Variants in PRKAR1B observed in about 807,000 individuals in gnomAD.
The protein encoded by PRKAR1B is protein kinase cAMP-dependent type I regulatory subunit beta.
PRKAR1B carries 22 observed loss-of-function variants against 46.5 expected under a neutral mutation model. That is an observed-to-expected ratio of 0.47 (90% CI 0.34 to 0.68). The LOEUF is 0.68. PRKAR1B is among the 30% of genes least tolerant of loss of function. The probability of loss-of-function intolerance (pLI) is 0.01; values close to 1 mark genes in which losing one functional copy is unlikely to be tolerated. For missense variants in PRKAR1B, 445 were observed against 535.6 expected, an observed-to-expected ratio of 0.83 and a Z score of 1.67; for synonymous variants, 259 against 217.7, an observed-to-expected ratio of 1.19 and a Z score of -1.67.
At chr7:708,495 T>G (rs144799868) in intron 2 of PRKAR1B, among the ~76,000 whole-genome samples, 59 of 152,242 alleles carry the variant, frequency 3.9e-4, no homozygotes, top group African/African-American at 1.4e-3. Context: ...TTTAAAAAAT[T>G]TATTTATTTT....
intron 2 of PRKAR1B, among the ~76,000 whole-genome samples, chr7:681,555 T>A (rs1019445850): frequency 6.6e-6 from 1 of 152,218 alleles, no homozygotes; most frequent in Non-Finnish European, 1.5e-5. Flanking sequence ...GTGGGGTTTA[T>A]GGAGGCTGAG....
intron 1 of PRKAR1B, among the ~76,000 whole-genome samples, chr7:717,155 G>C (rs941629774): frequency 6.6e-6 from 1 of 151,970 alleles, no homozygotes; most frequent in African/African-American, 2.4e-5. Context: ...GCCAGGTGTG[G>C]TGCCGTGCCT....
intron 4 of PRKAR1B, among the ~76,000 whole-genome samples, chr7:650,637 G>A (rs929086101): frequency 1.3e-5 from 2 of 152,240 alleles, no homozygotes; most frequent in Non-Finnish European, 2.9e-5. Context: ...GCGCAATGGC[G>A]GTGGGTGGGG....
intron 2 of PRKAR1B, among the ~76,000 whole-genome samples, chr7:703,385 G>T (rs758390853): frequency 6.6e-6 from 1 of 152,186 alleles, no homozygotes; most frequent in Non-Finnish European, 1.5e-5. Flanking sequence ...AGTGGCTCAT[G>T]CCTGTAATCC....
chr7:582,693 C>T (rs1780257628), intron 8 of PRKAR1B, among the ~76,000 whole-genome samples: 1 of 152,226 alleles, frequency 6.6e-6, no homozygotes, highest in Admixed American at 6.5e-5. Context: ...CCCTTCATGG[C>T]CTGCAGCAAC....
intron 7 of PRKAR1B, 58 bp from the exon 8 acceptor site, chr7:584,626 C>T: frequency 2.1e-6 from 3 of 1,436,050 alleles, no homozygotes; most frequent in Non-Finnish European, 2.9e-6. Flanking sequence ...CTGGATCATC[C>T]TGACGTTTCC....
At chr7:719,965 T>C (rs1421521892) in intron 1 of PRKAR1B, among the ~76,000 whole-genome samples, 1 of 152,054 alleles carries the variant, frequency 6.6e-6, no homozygotes, top group African/African-American at 2.4e-5. Flanking sequence ...AACTGTCTAA[T>C]CTCCATGTGT....
intron 8 of PRKAR1B, among the ~76,000 whole-genome samples, chr7:583,442 C>T (rs1310841601): frequency 6.9e-6 from 1 of 145,566 alleles, no homozygotes; most frequent in Non-Finnish European, 1.5e-5. Flanking sequence ...ACCCACAGTG[C>T]ACACTCACAC....
At chr7:626,980 T>C (rs1783440273) in intron 4 of PRKAR1B, among the ~76,000 whole-genome samples, 2 of 152,208 alleles carry the variant, frequency 1.3e-5, no homozygotes, top group Admixed American at 1.3e-4. Context: ...GTTCAAGCGA[T>C]TCTCTTGCCT....
chr7:574,234 A>G (rs868071537), intron 9 of PRKAR1B, among the ~76,000 whole-genome samples: 1 of 152,374 alleles, frequency 6.6e-6, no homozygotes, highest in South Asian at 2.1e-4. Context: ...TTTCAAGACC[A>G]TTAAAGCCGA....
intron 4 of PRKAR1B, among the ~76,000 whole-genome samples, chr7:632,046 C>T (rs1312422535): frequency 2.6e-5 from 4 of 152,114 alleles, no homozygotes; most frequent in Non-Finnish European, 5.9e-5. Flanking sequence ...GCAACTGGCA[C>T]AGCTGTGTGT....
intron 4 of PRKAR1B, among the ~76,000 whole-genome samples, chr7:669,514 A>G (rs961333909): frequency 1.3e-5 from 2 of 152,146 alleles, no homozygotes; most frequent in African/African-American, 4.8e-5. Flanking sequence ...CTGTAATCCC[A>G]GCACTTTGGG....
At chr7:685,385 C>CAT (rs10586228) in intron 2 of PRKAR1B, among the ~76,000 whole-genome samples, 17,427 of 79,114 alleles carry the variant, frequency 0.22, 3,988 homozygotes, top group Middle Eastern at 0.29. Context: ...TATATACATA[C>CAT]ATATATATAT....
chr7:611,515 A>C (rs1782491585), intron 4 of PRKAR1B, among the ~76,000 whole-genome samples: 1 of 152,122 alleles, frequency 6.6e-6, no homozygotes, highest in South Asian at 2.1e-4. Context: ...GCCCCCGCCC[A>C]CACCACTCCC....
intron 2 of PRKAR1B, among the ~76,000 whole-genome samples, chr7:706,364 G>A (rs897302202): frequency 7.9e-5 from 7 of 88,322 alleles, no homozygotes; most frequent in East Asian, 6.7e-4. Flanking sequence ...GATAATCTTC[G>A]GAAAGATCAC....
At chr7:556,059 T>C (rs1241411759) in intron 9 of PRKAR1B, among the ~76,000 whole-genome samples, 1 of 151,646 alleles carries the variant, frequency 6.6e-6, no homozygotes, top group Non-Finnish European at 1.5e-5. Context: ...GCCCCGGGAG[T>C]GGCCAGCACG....
intron 4 of PRKAR1B, among the ~76,000 whole-genome samples, chr7:641,793 C>T (rs1008212257): frequency 2.0e-5 from 3 of 152,080 alleles, no homozygotes; most frequent in Non-Finnish European, 1.5e-5. Flanking sequence ...TTTTTAGTCA[C>T]GTATTGAATG....
At chr7:711,646 G>T in intron 1 of PRKAR1B, 119 bp from the exon 2 acceptor site, 1 of 909,854 alleles carries the variant, frequency 1.1e-6, no homozygotes, top group Non-Finnish European at 1.6e-6. Flanking sequence ...CACTGATTCT[G>T]CATTTGTCAA....
rs555464209 is a variant in PRKAR1B at position 569,326 on chromosome 7, G to A, written c.891+9930C>T. On this transcript the variant is annotated intron_variant, in intron 9 of 10. Transcript: ENST00000537384. The stretch of plus-strand genomic sequence containing the variant: ...CCTGCCGGCCGCCCCAATTCACATC[G>A]AAACTCACTTACGCTGAAAGGCAAG... Among the ~76,000 whole-genome samples the A allele has an allele frequency of 1.0e-3, 152 of 152,284 alleles. 1 individual carries two copies. The highest frequency in any genetic ancestry group is 3.4e-3 in the African/African-American group (142 of 41,560).
Sources: gnomAD v4.1 joint callset for allele counts (sites outside exome capture counted in the v4.1 genomes callset) on GRCh38, gnomAD v4.1.1 for gene constraint, MANE v1.5 for transcripts, NCBI Gene and HGNC (gene_info 2026-07-23, HGNC 2026-07-21) for gene names.